L3MBTL3: variants seen among roughly 807,000 people sequenced by gnomAD.
L3MBTL3 encodes the protein lethal(3)malignant brain tumor-like protein 3.
Under a neutral mutation model 102.3 loss-of-function variants are expected in L3MBTL3, and 27 were observed. The observed-to-expected ratio is 0.26, with a 90% CI of 0.19 to 0.36. L3MBTL3 has a LOEUF of 0.36. Among genes scored for constraint, L3MBTL3 ranks in the 10% least tolerant of loss-of-function variants. The pLI is 1.00. For missense variants in L3MBTL3, 798 were observed against 955.3 expected (o/e 0.84, Z 2.17); for synonymous variants, 340 against 320.9 (o/e 1.06, Z -0.64).
chr6:130,039,756 T>G (rs1780302260), intron 2 of L3MBTL3, among the ~76,000 whole-genome samples: 1 of 152,238 alleles, frequency 6.6e-6, no homozygotes, highest in Non-Finnish European at 1.5e-5. Flanking sequence ...ATCTCTTTAA[T>G]GTCTAATTTA....
At chr6:130,020,846 C>T (rs1347577832) in intron 1 of L3MBTL3, among the ~76,000 whole-genome samples, 10 of 151,476 alleles carry the variant, frequency 6.6e-5, no homozygotes, top group African/African-American at 2.4e-4. Flanking sequence ...CCCCCAACGC[C>T]TCGCATCCCT....
At chr6:130,122,262 T>G (rs1173788884) in intron 20 of L3MBTL3, among the ~76,000 whole-genome samples, 1 of 152,248 alleles carries the variant, frequency 6.6e-6, no homozygotes, top group Non-Finnish European at 1.5e-5. Context: ...ACCTATTTCA[T>G]AAGTGATGCT....
intron 2 of L3MBTL3, among the ~76,000 whole-genome samples, chr6:130,039,040 A>C (rs753492092): frequency 1.3e-5 from 2 of 152,106 alleles, no homozygotes; most frequent in Admixed American, 6.6e-5. Context: ...GTGAATGTAT[A>C]TTATATATGT....
intron 3 of L3MBTL3, among the ~76,000 whole-genome samples, chr6:130,043,603 G>C (rs1032531721): frequency 6.6e-6 from 1 of 152,126 alleles, no homozygotes; most frequent in South Asian, 2.1e-4. Context: ...GCACTTGATC[G>C]TTCAGGTATT....
chr6:130,128,088 C>T (rs533890327), intron 20 of L3MBTL3, among the ~76,000 whole-genome samples: 1 of 152,248 alleles, frequency 6.6e-6, no homozygotes, highest in South Asian at 2.1e-4. Context: ...ATGGATGTAG[C>T]ATCACTTAAC....
rs577321118 is a variant in L3MBTL3 at position 130,133,986 on chromosome 6, T to C, written c.2199+81T>C. The C allele has an allele frequency of 5.0e-5, 56 of 1,128,994 alleles. No individual in the cohort carries two copies. In the East Asian group the frequency reaches 1.0e-3, roughly 21 times the overall value. 69.9% of individuals were successfully genotyped at this position (1,128,994 alleles called of 1,614,324 possible). On this transcript the variant is annotated intron_variant, in intron 22 of 22. Transcript: ENST00000361794. The surrounding 1 kb of genome is among the most constrained non-coding windows in gnomAD (Gnocchi z 4.9). ...GCAGTGGAAGGTGAAATGTGTGGAA[T>C]TGGCAGAGTCAAAAAGAGATGGGGT... is the stretch of plus-strand genomic sequence containing the variant.
At chr6:130,108,066 C>T (rs1010568355) in intron 19 of L3MBTL3, among the ~76,000 whole-genome samples, 1 of 152,038 alleles carries the variant, frequency 6.6e-6, no homozygotes, top group African/African-American at 2.4e-5. Flanking sequence ...TCTCGGCTTC[C>T]CTACTTGCTA....
At chr6:130,120,777 C>G in intron 19 of L3MBTL3, 102 bp from the exon 20 acceptor site, 1 of 838,584 alleles carries the variant, frequency 1.2e-6, no homozygotes, top group Non-Finnish European at 2.0e-6. Context: ...TTAGTAGCAT[C>G]CTTTGGTTTA....
At chr6:130,123,768 A>G (rs1786405201) in intron 20 of L3MBTL3, among the ~76,000 whole-genome samples, 2 of 152,320 alleles carry the variant, frequency 1.3e-5, no homozygotes, top group South Asian at 4.1e-4. Flanking sequence ...AGCACCATCC[A>G]GTAGTTTACT....
At chr6:130,066,538 C>G in intron 11 of L3MBTL3, 50 bp downstream of exon 11, 1 of 1,485,104 alleles carries the variant, frequency 6.7e-7, no homozygotes, top group Non-Finnish European at 9.3e-7. Context: ...AACTCATTTT[C>G]TTACATGCTA....
At chr6:130,116,844 C>T (rs1785719516) in intron 19 of L3MBTL3, among the ~76,000 whole-genome samples, 1 of 151,776 alleles carries the variant, frequency 6.6e-6, no homozygotes, top group African/African-American at 2.4e-5. Context: ...TCAAGGAAAG[C>T]AGGTCAGGAA....
chr6:130,121,977 C>T (rs1188362338), intron 20 of L3MBTL3, among the ~76,000 whole-genome samples: 1 of 152,136 alleles, frequency 6.6e-6, no homozygotes, highest in Non-Finnish European at 1.5e-5. Flanking sequence ...ACCTCGGAGG[C>T]AGAGGTTGCA....
intron 16 of L3MBTL3, among the ~76,000 whole-genome samples, chr6:130,088,208 A>G (rs546587840): frequency 3.6e-4 from 55 of 152,302 alleles, no homozygotes; most frequent in African/African-American, 1.3e-3. Flanking sequence ...ATCTTTTGGT[A>G]ATTACTGGAA....
intron 13 of L3MBTL3, among the ~76,000 whole-genome samples, chr6:130,077,081 C>T (rs903932400): frequency 2.6e-5 from 4 of 151,910 alleles, no homozygotes; most frequent in Non-Finnish European, 5.9e-5. Flanking sequence ...AAACTACTCT[C>T]TAAGTTCTAT....
intron 10 of L3MBTL3, among the ~76,000 whole-genome samples, chr6:130,065,363 T>C (rs1782178163): frequency 6.6e-6 from 1 of 152,214 alleles, no homozygotes. Flanking sequence ...ATAATACACA[T>C]ATGTATACAT....
At chr6:130,117,314 A>G (rs1302382249) in intron 19 of L3MBTL3, among the ~76,000 whole-genome samples, 1 of 150,472 alleles carries the variant, frequency 6.6e-6, no homozygotes, top group African/African-American at 2.5e-5. Context: ...ATCATTTTTT[A>G]TGGCTGCATA....
chr6:130,070,379 T>A (rs1261973965), intron 12 of L3MBTL3, among the ~76,000 whole-genome samples: 3 of 152,238 alleles, frequency 2.0e-5, no homozygotes, highest in African/African-American at 7.2e-5. Flanking sequence ...AATAGCTTTG[T>A]ACATCAACAG....
At chr6:130,065,794 AT>A (rs1266457837) in intron 10 of L3MBTL3, among the ~76,000 whole-genome samples, 1 of 152,214 alleles carries the variant, frequency 6.6e-6, no homozygotes, top group Non-Finnish European at 1.5e-5. Context: ...TATGTATGGC[AT>A]GTGTTATACA....
rs146627886 is a variant in L3MBTL3 at position 130,023,059 on chromosome 6, CT to C, written c.-16+763del. The stretch of plus-strand genomic sequence containing the variant: ...CTCCAGTGCTTTCTACTGTTTATAC[CT>C]TTTTTTTTCTTCCTTTAATCTTCCC... On this transcript the variant is annotated intron_variant, in intron 2 of 22. Coordinates refer to ENST00000361794, the MANE Select transcript of L3MBTL3 (RefSeq NM_032438.4). Among the ~76,000 whole-genome samples, 777 of 151,552 alleles carry C rather than the reference CT, an allele frequency of 5.1e-3. 43 individuals are homozygous for C. In the East Asian group the frequency reaches 0.12, roughly 23 times the overall value.
Sources: allele counts gnomAD v4.1 joint callset (sites outside exome capture counted in the v4.1 genomes callset), GRCh38; gene constraint gnomAD v4.1.1; non-coding constraint Gnocchi (gnomAD v3.1); transcripts MANE v1.5; gene names NCBI Gene and HGNC (gene_info 2026-07-23, HGNC 2026-07-21).